Variants in MAGI2 observed in about 807,000 individuals in gnomAD.
MAGI2 encodes membrane-associated guanylate kinase, WW and PDZ domain-containing protein 2.
A neutral mutation model predicts 133.3 loss-of-function variants in MAGI2; 35 were observed. The observed-to-expected ratio is 0.26, with a 90% CI of 0.20 to 0.35. The LOEUF is 0.35. Among genes scored for constraint, MAGI2 ranks in the 10% least tolerant of loss-of-function variants. The pLI is 1.00. For synonymous variants in MAGI2, 729 were observed against 710.6 expected, an observed-to-expected ratio of 1.03 and a Z score of -0.41; for missense variants, 1,636 against 1,863.4, an observed-to-expected ratio of 0.88 and a Z score of 2.25.
rs3807690 is a variant in MAGI2 at position 78,153,188 on chromosome 7, C to T, written c.2845+6837G>A. On this transcript the variant is annotated intron_variant, in intron 16 of 21. Transcript: ENST00000354212. ...TAAGGCAATCAATGAACAAACCTCACTATGGAGGTTTGAAGAAAATTCACT... is the reference window on the plus strand; with the variant it reads ...TAAGGCAATCAATGAACAAACCTCATTATGGAGGTTTGAAGAAAATTCACT... Among the ~76,000 whole-genome samples, 307 of 152,224 alleles carry T rather than the reference C, an allele frequency of 2.0e-3. 2 individuals are homozygous for T. The highest frequency in any genetic ancestry group is 7.0e-3 in the African/African-American group (291 of 41,544).
intron 1 of MAGI2, among the ~76,000 whole-genome samples, chr7:79,323,660 C>T (rs1030559298): frequency 5.3e-5 from 8 of 152,076 alleles, no homozygotes; most frequent in African/African-American, 1.9e-4. Flanking sequence ...GAAAATGATA[C>T]AAACTTTGCA....
intron 10 of MAGI2, chr7:78,252,952 A>AC (rs1792573066): frequency 6.7e-6 from 1 of 148,326 alleles, no homozygotes. Flanking sequence ...AAAAAAAAAA[A>AC]AAAAAAAACA....
chr7:78,906,490 T>C (rs961700162), intron 2 of MAGI2, among the ~76,000 whole-genome samples: 1 of 152,242 alleles, frequency 6.6e-6, no homozygotes, highest in Non-Finnish European at 1.5e-5. Flanking sequence ...TTTAGCCACA[T>C]CTGTGCTTCA....
At chr7:79,020,872 C>T (rs1809260812) in intron 1 of MAGI2, among the ~76,000 whole-genome samples, 2 of 152,166 alleles carry the variant, frequency 1.3e-5, no homozygotes, top group Non-Finnish European at 2.9e-5. Flanking sequence ...ACAGCAGCTC[C>T]TTCCATCACA....
chr7:78,754,229 G>C (rs1823728122), intron 2 of MAGI2, among the ~76,000 whole-genome samples: 1 of 151,742 alleles, frequency 6.6e-6, no homozygotes, highest in African/African-American at 2.4e-5. Flanking sequence ...AAATTAGCTG[G>C]GCATGGTGGT....
intron 2 of MAGI2, among the ~76,000 whole-genome samples, chr7:78,782,138 T>C (rs1343557294): frequency 6.6e-6 from 1 of 152,154 alleles, no homozygotes; most frequent in Non-Finnish European, 1.5e-5. Flanking sequence ...GAGTCAGAGG[T>C]GAGCTTCCTC....
chr7:78,515,942 T>C (rs1431662444), intron 4 of MAGI2, among the ~76,000 whole-genome samples: 1 of 151,992 alleles, frequency 6.6e-6, no homozygotes, highest in Non-Finnish European at 1.5e-5. Context: ...ACAATATATA[T>C]ATGGGGATGC....
intron 2 of MAGI2, among the ~76,000 whole-genome samples, chr7:78,916,329 G>C (rs886835123): frequency 2.0e-5 from 3 of 151,912 alleles, no homozygotes. Context: ...ACTCTATCCC[G>C]ATTGCTTTGA....
chr7:79,314,034 C>T (rs189560999), intron 1 of MAGI2, among the ~76,000 whole-genome samples: 189 of 152,170 alleles, frequency 1.2e-3, no homozygotes, highest in African/African-American at 4.2e-3. Flanking sequence ...AATGCAGTGA[C>T]GCAATCTTGG....
chr7:78,313,144 T>G lies in MAGI2; in HGVS notation c.1408+30634A>C, dbSNP rs139394658. ...ACTTATAAGTGGGAGCTAAACAATG[T>G]GCACACATGGACTTAGAAAGTGTAA... On this transcript the variant is annotated intron_variant, in intron 9 of 21. Coordinates refer to ENST00000354212, the MANE Select transcript of MAGI2 (RefSeq NM_012301.4). 1.7e-3 allele frequency among the ~76,000 whole-genome samples: 254 copies of G among 152,088 alleles called. 2 individuals carry two copies. The highest frequency in any genetic ancestry group is 1.1e-3 in the Non-Finnish European group (75 of 67,958).
At chr7:78,465,460 T>C (rs943643313) in intron 6 of MAGI2, among the ~76,000 whole-genome samples, 1 of 152,182 alleles carries the variant, frequency 6.6e-6, no homozygotes, top group African/African-American at 2.4e-5. Flanking sequence ...TTATGAGAAA[T>C]CCTTAGGCTA....
intron 20 of MAGI2, among the ~76,000 whole-genome samples, chr7:78,124,756 T>C (rs1820802638): frequency 6.6e-6 from 1 of 152,146 alleles, no homozygotes; most frequent in Non-Finnish European, 1.5e-5. Flanking sequence ...CTTTGTTTTA[T>C]ACCCTTAAAT....
intron 3 of MAGI2, among the ~76,000 whole-genome samples, chr7:78,600,732 GGTGTGT>G (rs746239707): frequency 2.0e-5 from 3 of 151,070 alleles, no homozygotes; most frequent in Non-Finnish European, 4.4e-5. Context: ...CACGAGGGGA[GGTGTGT>G]GTGTGTGTGG....
chr7:78,045,150 A>G (rs1481661168), intron 21 of MAGI2, among the ~76,000 whole-genome samples: 4 of 152,232 alleles, frequency 2.6e-5, no homozygotes, highest in Non-Finnish European at 5.9e-5. Flanking sequence ...CTGGCGATAG[A>G]GCGAGACTTG....
At chr7:79,350,973 T>C (rs1841648503) in intron 1 of MAGI2, among the ~76,000 whole-genome samples, 1 of 152,118 alleles carries the variant, frequency 6.6e-6, no homozygotes, top group Non-Finnish European at 1.5e-5. Flanking sequence ...GAATATTAAT[T>C]TATTTCATTT....
At chr7:78,989,630 C>A (rs111648087) in intron 2 of MAGI2, among the ~76,000 whole-genome samples, 8,519 of 152,162 alleles carry the variant, frequency 0.056, 278 homozygotes, top group Non-Finnish European at 0.081. Context: ...GCTCCTCCCC[C>A]TGTATCCGAG....
chr7:78,558,786 G>C (rs2150730366), intron 3 of MAGI2, among the ~76,000 whole-genome samples: 1 of 150,204 alleles, frequency 6.7e-6, no homozygotes, highest in Non-Finnish European at 1.5e-5. Flanking sequence ...ACGTGAGGGT[G>C]ATCATACAGT....
chr7:79,387,037 C>T (rs1393605795), intron 1 of MAGI2, among the ~76,000 whole-genome samples: 1 of 150,688 alleles, frequency 6.6e-6, no homozygotes, highest in African/African-American at 2.5e-5. Context: ...GTGAAAAGTT[C>T]ATATGCCTCT....
chr7:78,101,985 T>G (rs1818250098), intron 20 of MAGI2, among the ~76,000 whole-genome samples: 1 of 152,142 alleles, frequency 6.6e-6, no homozygotes, highest in African/African-American at 2.4e-5. Context: ...GGTGAATTTT[T>G]TAAAAAAATG....
Sources: gnomAD v4.1 joint callset for allele counts (sites outside exome capture counted in the v4.1 genomes callset) on GRCh38, gnomAD v4.1.1 for gene constraint, MANE v1.5 for transcripts, NCBI Gene and HGNC (gene_info 2026-07-23, HGNC 2026-07-21) for gene names.